Variants in WDR7 observed in about 807,000 individuals in gnomAD.
WDR7 encodes the protein WD repeat domain 7.
Under a neutral mutation model 169.4 loss-of-function variants are expected in WDR7, and 46 were observed. That is an observed-to-expected ratio of 0.27 (90% CI 0.21 to 0.35). The LOEUF (loss-of-function observed/expected upper bound fraction) is 0.35. Ranked by LOEUF, WDR7 falls within the 10% of genes least tolerant of loss-of-function variation. WDR7 has a pLI of 1.00. For synonymous variants in WDR7, 612 were observed against 666.8 expected, an observed-to-expected ratio of 0.92 and a Z score of 1.27; for missense variants, 1,534 against 1,859.3, an observed-to-expected ratio of 0.83 and a Z score of 3.22.
At chr18:56,660,953 T>C (rs951756072) in intron 1 of WDR7, among the ~76,000 whole-genome samples, 16 of 152,150 alleles carry the variant, frequency 1.1e-4, no homozygotes, top group African/African-American at 3.9e-4. Flanking sequence ...ATCACATATT[T>C]CCTCAGAGTT....
At chr18:56,749,517 C>T (rs1230707197) in intron 14 of WDR7, among the ~76,000 whole-genome samples, 3 of 151,764 alleles carry the variant, frequency 2.0e-5, no homozygotes, top group Admixed American at 6.6e-5. Flanking sequence ...CTGCTTTATA[C>T]TTTAGCATGA....
intron 16 of WDR7, among the ~76,000 whole-genome samples, chr18:56,759,916 G>C (rs899005983): frequency 6.6e-6 from 1 of 152,032 alleles, no homozygotes; most frequent in Admixed American, 6.6e-5. Context: ...TCCTTAAATG[G>C]TGTGCTTGAT....
intron 27 of WDR7, among the ~76,000 whole-genome samples, chr18:57,023,899 A>G (rs56388614): frequency 6.6e-6 from 1 of 152,228 alleles, no homozygotes; most frequent in African/African-American, 2.4e-5. Flanking sequence ...GTAGAATACT[A>G]TTCAGCCATT....
At chr18:56,806,350 C>G (rs1164585821) in intron 19 of WDR7, among the ~76,000 whole-genome samples, 1 of 152,168 alleles carries the variant, frequency 6.6e-6, no homozygotes, top group Non-Finnish European at 1.5e-5. Flanking sequence ...TTGATTTTCT[C>G]TCCATTAAGT....
intron 14 of WDR7, among the ~76,000 whole-genome samples, chr18:56,749,356 G>A (rs1338133228): frequency 3.3e-5 from 5 of 149,556 alleles, no homozygotes; most frequent in African/African-American, 9.9e-5. Context: ...AAGACTCAAA[G>A]TATTAATATC....
At chr18:57,013,951 G>A (rs966148188) in intron 26 of WDR7, among the ~76,000 whole-genome samples, 5 of 152,304 alleles carry the variant, frequency 3.3e-5, no homozygotes, top group African/African-American at 1.2e-4. Flanking sequence ...GATAAAATAA[G>A]CATATGCTGG....
At chr18:56,805,761 C>G (rs2044763440) in intron 19 of WDR7, among the ~76,000 whole-genome samples, 1 of 151,678 alleles carries the variant, frequency 6.6e-6, no homozygotes, top group Non-Finnish European at 1.5e-5. Context: ...ACCAGTGATT[C>G]TACTTCATTT....
chr18:56,992,887 G>A (rs2047838244), intron 26 of WDR7, among the ~76,000 whole-genome samples: 1 of 152,170 alleles, frequency 6.6e-6, no homozygotes. Context: ...CTGGATAGTT[G>A]TTTGTCCTCA....
chr18:56,735,656 A>G (rs1354044380), intron 14 of WDR7, among the ~76,000 whole-genome samples: 2 of 152,116 alleles, frequency 1.3e-5, no homozygotes, highest in African/African-American at 4.8e-5. Context: ...TGATGCACCT[A>G]AAGACAGTTG....
chr18:57,007,819 C>A (rs1267862006), intron 26 of WDR7, among the ~76,000 whole-genome samples: 2 of 152,128 alleles, frequency 1.3e-5, no homozygotes, highest in Non-Finnish European at 2.9e-5. Context: ...TTATCCTCAT[C>A]CTTTTGGTCT....
intron 16 of WDR7, among the ~76,000 whole-genome samples, chr18:56,765,474 T>C (rs1350277380): frequency 6.6e-6 from 1 of 152,064 alleles, no homozygotes; most frequent in African/African-American, 2.4e-5. Flanking sequence ...TCAAGTGCTA[T>C]TATACTATTT....
chr18:56,918,643 A>G (rs2145626310), intron 21 of WDR7, among the ~76,000 whole-genome samples: 1 of 152,320 alleles, frequency 6.6e-6, no homozygotes, highest in South Asian at 2.1e-4. Context: ...TTTACATTGA[A>G]TAAATATAGC....
chr18:57,017,034 C>T (rs76532682), intron 26 of WDR7, among the ~76,000 whole-genome samples: 2,148 of 152,252 alleles, frequency 0.014, 51 homozygotes, highest in African/African-American at 0.048. Context: ...CATTTGAGAC[C>T]CAAACCATCC....
At chr18:56,673,540 A>T (rs1598950909) in intron 2 of WDR7, among the ~76,000 whole-genome samples, 1 of 152,070 alleles carries the variant, frequency 6.6e-6, no homozygotes, top group East Asian at 1.9e-4. Context: ...TACCCTTTAA[A>T]TGTCCCTCCT....
intron 26 of WDR7, among the ~76,000 whole-genome samples, chr18:56,995,374 T>C (rs1305546840): frequency 6.6e-6 from 1 of 152,220 alleles, no homozygotes; most frequent in East Asian, 1.9e-4. Flanking sequence ...TAAATGATTG[T>C]AGAATGTGTA....
At chr18:56,860,746 C>T (rs2045792225) in intron 20 of WDR7, among the ~76,000 whole-genome samples, 1 of 152,026 alleles carries the variant, frequency 6.6e-6, no homozygotes, top group African/African-American at 2.4e-5. Flanking sequence ...TCTTTTTCTT[C>T]ACACAATTAA....
At chr18:56,967,211 G>A (rs2047422481) in intron 26 of WDR7, among the ~76,000 whole-genome samples, 1 of 151,372 alleles carries the variant, frequency 6.6e-6, no homozygotes, top group Admixed American at 6.6e-5. Context: ...AAGCAGCACT[G>A]CCTTAGGCCA....
chr18:56,773,037 A>T (rs1026492765), intron 16 of WDR7, among the ~76,000 whole-genome samples: 3 of 152,204 alleles, frequency 2.0e-5, no homozygotes, highest in Non-Finnish European at 4.4e-5. Context: ...AACTGTGCTT[A>T]TATTATTGCC....
chr18:56,913,982 C>T (rs1400524837), intron 21 of WDR7, among the ~76,000 whole-genome samples: 2 of 152,110 alleles, frequency 1.3e-5, no homozygotes, highest in Non-Finnish European at 2.9e-5. Flanking sequence ...TGAAAGCAGT[C>T]TGCATCACTG....
Sources: gnomAD v4.1 joint callset for allele counts (sites outside exome capture counted in the v4.1 genomes callset) on GRCh38, gnomAD v4.1.1 for gene constraint, MANE v1.5 for transcripts, NCBI Gene and HGNC (gene_info 2026-07-23, HGNC 2026-07-21) for gene names.